TENM1: variants seen among roughly 807,000 people sequenced by gnomAD.
The protein encoded by TENM1 is teneurin-1.
Under a neutral mutation model 174.8 loss-of-function variants are expected in TENM1, and 35 were observed. The ratio of observed to expected loss-of-function variants is 0.20; its 90% CI spans 0.15 to 0.27. The LOEUF is 0.27. Ranked by LOEUF, TENM1 falls within the 10% of genes least tolerant of loss-of-function variation. The pLI is 1.00. For synonymous variants in TENM1, 781 were observed against 798.7 expected, an observed-to-expected ratio of 0.98 and a Z score of 0.37; for missense variants, 1,633 against 2,130.1, an observed-to-expected ratio of 0.77 and a Z score of 4.59.
intron 22 of TENM1, among the ~76,000 whole-genome samples, chrX:124,460,643 C>A (rs1043930705): frequency 1.8e-5 from 2 of 108,781 alleles, no homozygotes; most frequent in Non-Finnish European, 3.8e-5. Context: ...AGCTTAATAC[C>A]TGGGTGATGA....
rs1208832191 is a variant in TENM1, at chrX:124,557,303, T to C, written c.2434+4368A>G. 3.6e-5 allele frequency among the ~76,000 whole-genome samples: 4 copies of C among 110,334 alleles called. No individual in the cohort carries two copies. In the Admixed American group the frequency reaches 3.9e-4, roughly 11 times the overall value. On this transcript the variant is annotated intron_variant, in intron 14 of 31. Coordinates refer to ENST00000422452, the Ensembl canonical transcript of TENM1. ...ATACTAGACAGTGTAGATTTTGATG[T>C]CTGCAAATATTTAGATATTGGATGG...
At chrX:124,543,054 C>T (rs2048355266) in intron 15 of TENM1, among the ~76,000 whole-genome samples, 1 of 112,130 alleles carries the variant, frequency 8.9e-6, no homozygotes, top group Non-Finnish European at 1.9e-5. Context: ...ATCACAAACT[C>T]AAATGCCAGC....
At chrX:125,012,763 T>C in the TENM1 span, among the ~76,000 whole-genome samples, 2 of 111,822 alleles carry the variant, frequency 1.8e-5, no homozygotes, top group East Asian at 2.8e-4. Context: ...TGAAGGCTAA[T>C]GGAAGGAAAC....
At chrX:125,129,024 C>T in the TENM1 span, among the ~76,000 whole-genome samples, 2 of 110,710 alleles carry the variant, frequency 1.8e-5, no homozygotes, top group Admixed American at 1.9e-4. Context: ...GATTAGTGAC[C>T]TTATTAGAAA....
the TENM1 span, among the ~76,000 whole-genome samples, chrX:124,970,159 C>T: frequency 1.8e-5 from 2 of 111,308 alleles, no homozygotes; most frequent in Non-Finnish European, 3.8e-5. Context: ...ATTTTCTTTC[C>T]GTTTCTCATT....
At chrX:125,133,867 T>C in the TENM1 span, among the ~76,000 whole-genome samples, 1 of 112,130 alleles carries the variant, frequency 8.9e-6, no homozygotes, top group East Asian at 2.8e-4. Flanking sequence ...GATTTACTGA[T>C]CATTGGAGTT....
intron 3 of TENM1, among the ~76,000 whole-genome samples, chrX:124,757,340 A>G (rs2054285335): frequency 8.9e-6 from 1 of 112,411 alleles, no homozygotes; most frequent in African/African-American, 3.2e-5. Flanking sequence ...TTTTAAGCCC[A>G]TCAGAAAAGC....
chrX:124,955,818 C>A (rs1264684299), intron 1 of TENM1, among the ~76,000 whole-genome samples: 1 of 110,184 alleles, frequency 9.1e-6, no homozygotes, highest in Non-Finnish European at 1.9e-5. Context: ...CACACACACA[C>A]ACACACACAG....
intron 18 of TENM1, among the ~76,000 whole-genome samples, chrX:124,514,353 G>C (rs2047650648): frequency 9.0e-6 from 1 of 110,559 alleles, no homozygotes; most frequent in South Asian, 3.8e-4. Context: ...TGGGGTCTAA[G>C]GAAGATCATA....
chrX:124,739,807 T>C (rs774701185), intron 3 of TENM1, among the ~76,000 whole-genome samples: 1 of 112,394 alleles, frequency 8.9e-6, no homozygotes, highest in South Asian at 3.7e-4. Flanking sequence ...CTGTATGACA[T>C]TGAGCAAAGT....
the TENM1 span, among the ~76,000 whole-genome samples, chrX:125,144,840 C>G: frequency 2.7e-5 from 3 of 109,774 alleles, no homozygotes; most frequent in Non-Finnish European, 5.7e-5. Flanking sequence ...CGGGTTCAAG[C>G]GATTCTCCTG....
At chrX:125,108,774 A>G in the TENM1 span, among the ~76,000 whole-genome samples, 2 of 110,328 alleles carry the variant, frequency 1.8e-5, no homozygotes, top group African/African-American at 3.3e-5. Flanking sequence ...ACAGATGTGT[A>G]TATATATACA....
intron 3 of TENM1, among the ~76,000 whole-genome samples, chrX:124,799,324 A>T (rs2055385047): frequency 9.0e-6 from 1 of 111,651 alleles, no homozygotes; most frequent in Non-Finnish European, 1.9e-5. Flanking sequence ...TCTATCCATG[A>T]GCATGGAATA....
intron 11 of TENM1, among the ~76,000 whole-genome samples, chrX:124,585,299 C>T (rs2148230317): frequency 9.0e-6 from 1 of 111,461 alleles, no homozygotes; most frequent in South Asian, 3.8e-4. Flanking sequence ...AAGCTCTCCT[C>T]AGCAAATGTA....
intron 16 of TENM1, among the ~76,000 whole-genome samples, chrX:124,527,241 TCTC>T (rs778475448): frequency 8.9e-6 from 1 of 111,844 alleles, no homozygotes; most frequent in Non-Finnish European, 1.9e-5. Context: ...AGTAGTCCCT[TCTC>T]TATGTGAGTA....
intron 6 of TENM1, among the ~76,000 whole-genome samples, chrX:124,668,291 C>T (rs374462774): frequency 6.3e-5 from 7 of 111,256 alleles, no homozygotes; most frequent in Non-Finnish European, 7.5e-5. Context: ...GACAGTGTGG[C>T]GATTCCTCAA....
At chrX:124,689,259 T>C (rs1045066580) in intron 5 of TENM1, among the ~76,000 whole-genome samples, 2 of 111,977 alleles carry the variant, frequency 1.8e-5, no homozygotes, top group Non-Finnish European at 3.8e-5. Context: ...TTTTAAAAAA[T>C]ATTTTTATCA....
At chrX:125,164,557 T>C in the TENM1 span, among the ~76,000 whole-genome samples, 1 of 112,150 alleles carries the variant, frequency 8.9e-6, no homozygotes, top group African/African-American at 3.2e-5. Flanking sequence ...CACATAAGGA[T>C]AACATTTGAA....
chrX:125,045,664 T>C, the TENM1 span, among the ~76,000 whole-genome samples: 1 of 112,033 alleles, frequency 8.9e-6, no homozygotes, highest in Non-Finnish European at 1.9e-5. Flanking sequence ...CAGTTAGGCA[T>C]AACACTTCCC....
Sources: allele counts gnomAD v4.1 joint callset (sites outside exome capture counted in the v4.1 genomes callset), GRCh38; gene constraint gnomAD v4.1.1; transcripts MANE v1.5; gene names NCBI Gene and HGNC (gene_info 2026-07-23, HGNC 2026-07-21).